CFAP69: variants seen among roughly 807,000 people sequenced by gnomAD.
CFAP69 encodes the protein cilia and flagella associated protein 69, also known as cilia- and flagella-associated protein 69.
Under a neutral mutation model 123.0 loss-of-function variants are expected in CFAP69, and 92 were observed. The ratio of observed to expected loss-of-function variants is 0.75; its 90% CI spans 0.63 to 0.89. The LOEUF (loss-of-function observed/expected upper bound fraction) is 0.89. CFAP69 is among the 40% of genes least tolerant of loss of function. The pLI, the probability that CFAP69 is intolerant of heterozygous loss-of-function variation, is 0.00. For synonymous variants in CFAP69, 380 were observed against 364.3 expected (o/e 1.04, Z -0.49); for missense variants, 1,067 against 1,096.9 (o/e 0.97, Z 0.39).
At chr7:90,248,518 CT>C (rs1223772934) in intron 1 of CFAP69, among the ~76,000 whole-genome samples, 1 of 152,100 alleles carries the variant, frequency 6.6e-6, no homozygotes, top group Admixed American at 6.5e-5. Context: ...ACTTTAATAA[CT>C]TTGAAATGTT....
intron 6 of CFAP69, among the ~76,000 whole-genome samples, 166 bp from the exon 7 acceptor site, chr7:90,271,360 C>G (rs1419778666): frequency 6.6e-6 from 1 of 151,758 alleles, no homozygotes; most frequent in Non-Finnish European, 1.5e-5. Context: ...ACTATCTGGC[C>G]CTTTACAGAA....
At chr7:90,281,662 G>T (rs1789511210) in intron 12 of CFAP69, among the ~76,000 whole-genome samples, 2 of 152,128 alleles carry the variant, frequency 1.3e-5, no homozygotes, top group South Asian at 4.1e-4. Context: ...ACTCTTAGAA[G>T]AAAACATGGG....
intron 15 of CFAP69, among the ~76,000 whole-genome samples, chr7:90,296,422 G>C (rs1025720469): frequency 1.3e-5 from 2 of 151,964 alleles, no homozygotes; most frequent in Non-Finnish European, 2.9e-5. Context: ...CCTCCTCCTG[G>C]GTTCAAGCTA....
Position 90,306,888 on chromosome 7 carries a change from T to G in CFAP69, c.2266-13T>G, listed in dbSNP as rs746368620. 2 of 1,434,406 alleles carry G rather than the reference T, an allele frequency of 1.4e-6. No individual in the cohort carries two copies. Among genetic ancestry groups the G allele is most frequent in the Non-Finnish European group, 1.9e-6 (2 of 1,036,166 alleles). 88.9% of individuals were successfully genotyped at this position (1,434,406 alleles called of 1,614,324 possible). ...TTTGGTTAATTTAACTTTGTTAAAC[T>G]TTGTTATAACAGATTGGAGAAATAT... On this transcript the variant is annotated splice_polypyrimidine_tract_variant and intron_variant, in intron 19 of 22. Coordinates refer to ENST00000389297, the MANE Select transcript of CFAP69 (RefSeq NM_001039706.3).
At chr7:90,289,429 C>G (rs752966862) in intron 15 of CFAP69, among the ~76,000 whole-genome samples, 1 of 151,600 alleles carries the variant, frequency 6.6e-6, no homozygotes, top group African/African-American at 2.4e-5. Context: ...ATTTAAATAG[C>G]CTTTTTTTGT....
chr7:90,250,409 T>A (rs1190288009), intron 1 of CFAP69, among the ~76,000 whole-genome samples: 5 of 152,174 alleles, frequency 3.3e-5, no homozygotes, highest in African/African-American at 1.2e-4. Flanking sequence ...CTTTACTTGG[T>A]AGATTTGAAG....
At chr7:90,279,625 A>C (rs527300748) in intron 11 of CFAP69, 52 bp from the exon 12 acceptor site, 1 of 1,119,704 alleles carries the variant, frequency 8.9e-7, no homozygotes, top group African/African-American at 1.6e-5. Context: ...TAATTGCCTT[A>C]AAGTATTTTT....
chr7:90,283,779 T>A (rs919731617), intron 13 of CFAP69, among the ~76,000 whole-genome samples: 3 of 152,258 alleles, frequency 2.0e-5, no homozygotes, highest in African/African-American at 7.2e-5. Context: ...GTCAATTATA[T>A]AATCTGCTAG....
At chr7:90,319,863 T>G in the CFAP69 span, 1 of 397,380 alleles carries the variant, frequency 2.5e-6, no homozygotes, top group Non-Finnish European at 4.4e-6. Flanking sequence ...AAGCCAAATC[T>G]GCTTACTAGG....
chr7:90,282,342 C>T (rs185404857), intron 12 of CFAP69, among the ~76,000 whole-genome samples: 20 of 152,254 alleles, frequency 1.3e-4, no homozygotes, highest in African/African-American at 4.6e-4. Context: ...GAGCAAGACC[C>T]TGTCTCTTAA....
chr7:90,245,243 G>C lies in CFAP69; in HGVS notation c.-182G>C, dbSNP rs1796187572. ...TCTGGGTCAACTGGGGGGCGGCAGC[G>C]GCGCTAAGCGGACTGTATGGCGGTG... On this transcript the variant is annotated 5_prime_UTR_variant, in exon 1 of 23. Transcript: ENST00000389297. The C allele has an allele frequency of 1.4e-6, 1 of 700,792 alleles. No individual in the cohort carries two copies. The highest frequency in any genetic ancestry group is 2.1e-6 in the Non-Finnish European group (1 of 481,620). 43.4% of individuals were successfully genotyped at this position (700,792 alleles called of 1,614,324 possible).
At chr7:90,298,873 A>G (rs564611137) in intron 16 of CFAP69, among the ~76,000 whole-genome samples, 68 of 152,322 alleles carry the variant, frequency 4.5e-4, no homozygotes, top group Non-Finnish European at 8.4e-4. Flanking sequence ...TTATTTAATG[A>G]AGATTTTATA....
At chr7:90,280,257 G>T (rs1789273218) in intron 12 of CFAP69, among the ~76,000 whole-genome samples, 1 of 152,150 alleles carries the variant, frequency 6.6e-6, no homozygotes, top group African/African-American at 2.4e-5. Context: ...TAGTGCAATG[G>T]CATGCTCATG....
rs1281163990 is a variant in CFAP69, at chr7:90,299,863, A to G, written c.1858-4A>G. 1.9e-6 allele frequency: 3 copies of G among 1,589,726 alleles called. No homozygotes were observed. The highest frequency in any genetic ancestry group is 1.7e-6 in the Non-Finnish European group (2 of 1,169,232). ...TTTTTTCCTTTTCTGTTTCCTTGCT[A>G]AAGTTGAACCAAAAAAAATTCTGTA... On this transcript the variant is annotated splice_polypyrimidine_tract_variant and splice_region_variant and intron_variant, in intron 16 of 22. Coordinates refer to ENST00000389297, the MANE Select transcript of CFAP69 (RefSeq NM_001039706.3).
the CFAP69 span, chr7:90,319,294 GAATTA>G: frequency 2.5e-6 from 1 of 397,980 alleles, no homozygotes; most frequent in Non-Finnish European, 4.4e-6. Flanking sequence ...AAAATCAGAA[GAATTA>G]AATAGTGACT....
intron 5 of CFAP69, among the ~76,000 whole-genome samples, chr7:90,267,358 A>C (rs1338528530): frequency 1.3e-5 from 2 of 152,000 alleles, no homozygotes; most frequent in African/African-American, 4.8e-5. Context: ...TTATTCTTTT[A>C]CTCTCAGAGA....
chr7:90,290,042 C>T (rs180889340), intron 15 of CFAP69, among the ~76,000 whole-genome samples: 1 of 152,246 alleles, frequency 6.6e-6, no homozygotes, highest in East Asian at 1.9e-4. Flanking sequence ...TAGAGTAAGT[C>T]TTTCTACGTT....
rs375668749 is a variant in CFAP69, at chr7:90,288,242, C to T, written c.1665C>T (p.Phe555=). 45 of 1,602,166 alleles carry T rather than the reference C, an allele frequency of 2.8e-5. No individual in the cohort carries two copies. The African/African-American group carries it at 4.0e-4, about 14-fold the overall frequency. The change falls in exon 15 of 23, where the codon TTC becomes TTT. Residue 555 remains phenylalanine (F), a synonymous_variant. Coordinates refer to ENST00000389297, the MANE Select transcript of CFAP69 (RefSeq NM_001039706.3). ...ACAAATATCTTAAACAGGAAATTTT[C>T]GGAACTGAAGGAGTAGATATCGTTC... ...CENHIQRKEI[F]GTEGVDIVLH...
intron 9 of CFAP69, chr7:90,276,291 T>G (rs1176444311): frequency 1.3e-5 from 2 of 152,232 alleles, no homozygotes; most frequent in African/African-American, 4.8e-5. Context: ...TAGTTAAAGC[T>G]GCAACTTATA....
Sources: allele counts gnomAD v4.1 joint callset (sites outside exome capture counted in the v4.1 genomes callset), GRCh38; gene constraint gnomAD v4.1.1; transcripts MANE v1.5; gene names NCBI Gene and HGNC (gene_info 2026-07-23, HGNC 2026-07-21).